The following SLCO6A1 variants were observed in gnomAD, a reference collection of about 807,000 sequenced individuals.
SLCO6A1 encodes the protein cancer/testis antigen 48.
In SLCO6A1, 65 loss-of-function variants were observed where a neutral mutation model predicts 72.7. The ratio of observed to expected loss-of-function variants is 0.89; its 90% CI spans 0.73 to 1.10. SLCO6A1 has a LOEUF of 1.10. Ranked by LOEUF, SLCO6A1 falls within the 50% of genes least tolerant of loss-of-function variation. SLCO6A1 has a pLI of 0.00. For synonymous variants in SLCO6A1, 314 were observed against 298.2 expected, an observed-to-expected ratio of 1.05 and a Z score of -0.55; for missense variants, 874 against 872.6, an observed-to-expected ratio of 1.00 and a Z score of -0.02.
At chr5:102,437,003 G>T (rs532065709) in intron 7 of SLCO6A1, among the ~76,000 whole-genome samples, 48 of 152,266 alleles carry the variant, frequency 3.2e-4, no homozygotes, top group African/African-American at 1.1e-3. Context: ...GCTCTTAGAA[G>T]ATTAGAAATT....
At chr5:102,386,665 G>C (rs1323235580) in intron 12 of SLCO6A1, among the ~76,000 whole-genome samples, 1 of 152,130 alleles carries the variant, frequency 6.6e-6, no homozygotes, top group Non-Finnish European at 1.5e-5. Context: ...TAAGGTTTTT[G>C]GGTTCCAGTC....
chr5:102,426,366 T>G lies in SLCO6A1; in HGVS notation c.1277-6345A>C, dbSNP rs560192799. ...AATGGGAGAAAATTTTTGAAATCTA[T>G]CCATCTGACAAAGGCTAATATCCAG... On this transcript the variant is annotated intron_variant, in intron 7 of 13. Transcript: ENST00000506729. 5.9e-5 allele frequency among the ~76,000 whole-genome samples: 9 copies of G among 152,104 alleles called. No homozygotes were observed. The South Asian group carries it at 1.2e-3, about 21-fold the overall frequency.
At position 102,480,171 on chromosome 5, in the gene SLCO6A1, C is replaced by T. The variant is rs771519312; in HGVS notation, c.616+6G>A. On this transcript the variant is annotated splice_donor_region_variant and intron_variant, in intron 2 of 13. Coordinates refer to ENST00000506729, the MANE Select transcript of SLCO6A1 (RefSeq NM_173488.5). ...TGATGTATGACAGTATATTTTAAAA[C>T]CTTACCTTCAATTCCTACCTTACTT... The T allele has an allele frequency of 6.1e-5, 98 of 1,599,404 alleles. No homozygotes were observed. Among genetic ancestry groups the T allele is most frequent in the Middle Eastern group, 3.5e-4 (2 of 5,722 alleles).
chr5:102,389,132 A>G (rs1376905), intron 11 of SLCO6A1, among the ~76,000 whole-genome samples: 43,132 of 152,002 alleles, frequency 0.28, 6,114 homozygotes, highest in Non-Finnish European at 0.31. Context: ...AACTTAGGAG[A>G]AAGTACTTAA....
At chr5:102,396,688 CTTTTA>C (rs1301747745) in intron 10 of SLCO6A1, among the ~76,000 whole-genome samples, 3 of 151,982 alleles carry the variant, frequency 2.0e-5, no homozygotes, top group East Asian at 1.9e-4. Flanking sequence ...TTGTTGTTCA[CTTTTA>C]TTTTGACAGT....
At chr5:102,411,797 T>C (rs1420806219) in intron 9 of SLCO6A1, among the ~76,000 whole-genome samples, 1 of 152,158 alleles carries the variant, frequency 6.6e-6, no homozygotes, top group Non-Finnish European at 1.5e-5. Context: ...CTTTGTCATA[T>C]TTTGAAATGG....
intron 6 of SLCO6A1, among the ~76,000 whole-genome samples, chr5:102,455,075 C>G (rs1215899655): frequency 6.9e-6 from 1 of 144,806 alleles, no homozygotes; most frequent in East Asian, 2.0e-4. Context: ...GAGGGAGAAA[C>G]TCATTTTGCC....
intron 6 of SLCO6A1, among the ~76,000 whole-genome samples, chr5:102,453,507 CT>C (rs1272081464): frequency 6.6e-6 from 1 of 152,098 alleles, no homozygotes; most frequent in Non-Finnish European, 1.5e-5. Context: ...ACATTTTCTT[CT>C]TTCTTTGCAT....
intron 1 of SLCO6A1, among the ~76,000 whole-genome samples, chr5:102,480,885 G>A (rs17151043): frequency 0.054 from 8,259 of 152,126 alleles, 739 homozygotes; most frequent in African/African-American, 0.19. Flanking sequence ...TCAGCATCCT[G>A]TATTTAAAGT....
At chr5:102,450,078 T>C (rs951868590) in intron 6 of SLCO6A1, among the ~76,000 whole-genome samples, 1 of 152,214 alleles carries the variant, frequency 6.6e-6, no homozygotes, top group East Asian at 1.9e-4. Context: ...GTTTCAGCAT[T>C]ATTCTGAATA....
In SLCO6A1 at chr5:102,477,831, C is replaced by T; in HGVS notation, c.647G>A (p.Gly216Asp). Residue 216 changes from glycine to aspartate, a missense_variant, in exon 3 of 14, where the codon GGT becomes GAT. Gly to Asp is a moderately conservative substitution (Grantham distance 94). Transcript: ENST00000506729. Reference sequence around the variant, plus strand: ...GAATGATATACCACTGCTCTGGCAACCACTGACAACCTTTATTTCTTCGCA... The same window carrying T: ...GAATGATATACCACTGCTCTGGCAATCACTGACAACCTTTATTTCTTCGCA... ...DICEEIKVVSGCQSSGISFQS... is the reference protein window; with the variant it reads ...DICEEIKVVSDCQSSGISFQS... The T allele has an allele frequency of 6.2e-7, 1 of 1,607,120 alleles. No homozygotes were observed. The highest frequency in any genetic ancestry group is 8.5e-7 in the Non-Finnish European group (1 of 1,177,556).
intron 12 of SLCO6A1, among the ~76,000 whole-genome samples, chr5:102,375,875 G>T (rs1185805666): frequency 1.3e-5 from 2 of 152,000 alleles, no homozygotes; most frequent in Non-Finnish European, 1.5e-5. Flanking sequence ...TATTTTGAAT[G>T]GTGATGTCCA....
intron 2 of SLCO6A1, among the ~76,000 whole-genome samples, chr5:102,479,361 T>C (rs956821281): frequency 9.2e-5 from 14 of 152,162 alleles, no homozygotes; most frequent in African/African-American, 3.4e-4. Context: ...TAAATCTTCT[T>C]TCTTTATAAA....
chr5:102,468,684 T>G (rs530361881), intron 4 of SLCO6A1, among the ~76,000 whole-genome samples: 1 of 152,256 alleles, frequency 6.6e-6, no homozygotes, highest in African/African-American at 2.4e-5. Flanking sequence ...TTGCATGGAA[T>G]ATCTTCTTCT....
At chr5:102,460,899 C>CATATATATATATAT (rs60973292) in intron 4 of SLCO6A1, among the ~76,000 whole-genome samples, 1 of 130,200 alleles carries the variant, frequency 7.7e-6, no homozygotes, top group African/African-American at 2.8e-5. Flanking sequence ...CCACTTATCT[C>CATATATATATATAT]ATATATATAT....
intron 6 of SLCO6A1, among the ~76,000 whole-genome samples, chr5:102,441,805 T>C (rs1423314025): frequency 4.0e-5 from 6 of 151,880 alleles, no homozygotes; most frequent in African/African-American, 1.4e-4. Flanking sequence ...GTGATTACTT[T>C]TTACTTTACT....
chr5:102,377,619 AAG>A (rs1307706134), intron 12 of SLCO6A1, among the ~76,000 whole-genome samples: 1 of 151,876 alleles, frequency 6.6e-6, no homozygotes, highest in East Asian at 1.9e-4. Flanking sequence ...TTTTAATAAA[AAG>A]AGTATTGTTT....
At chr5:102,398,862 C>A (rs1339239735) in intron 10 of SLCO6A1, among the ~76,000 whole-genome samples, 1 of 151,930 alleles carries the variant, frequency 6.6e-6, no homozygotes, top group East Asian at 1.9e-4. Flanking sequence ...CTTTATAAGT[C>A]ATTTTATGGA....
chr5:102,412,633 C>T (rs753841054), intron 9 of SLCO6A1, among the ~76,000 whole-genome samples: 11 of 151,878 alleles, frequency 7.2e-5, no homozygotes, highest in Admixed American at 2.6e-4. Context: ...CGGTGGTGTG[C>T]GCCTGTAGTT....
Sources: allele counts gnomAD v4.1 joint callset (sites outside exome capture counted in the v4.1 genomes callset), GRCh38; gene constraint gnomAD v4.1.1; transcripts MANE v1.5; gene names NCBI Gene and HGNC (gene_info 2026-07-23, HGNC 2026-07-21).